PAG1: variants seen among roughly 807,000 people sequenced by gnomAD.
The protein encoded by PAG1 is phosphoprotein membrane anchor with glycosphingolipid microdomains 1.
Under a neutral mutation model 31.7 loss-of-function variants are expected in PAG1, and 23 were observed. That is an observed-to-expected ratio of 0.73 (90% CI 0.52 to 1.03). PAG1 has a LOEUF of 1.03. PAG1 is among the 50% of genes least tolerant of loss of function. The pLI, the probability that PAG1 is intolerant of heterozygous loss-of-function variation, is 0.00. For missense variants in PAG1, 473 were observed against 540.7 expected, an observed-to-expected ratio of 0.87 and a Z score of 1.24; for synonymous variants, 214 against 210.3, an observed-to-expected ratio of 1.02 and a Z score of -0.15.
intron 3 of PAG1, among the ~76,000 whole-genome samples, chr8:81,020,496 T>C (rs1394913623): frequency 6.6e-6 from 1 of 152,172 alleles, no homozygotes; most frequent in East Asian, 1.9e-4. Context: ...CTGATGGTTT[T>C]ATAAATGGGA....
intron 1 of PAG1, among the ~76,000 whole-genome samples, chr8:81,104,287 G>A (rs894259373): frequency 1.3e-5 from 2 of 151,934 alleles, no homozygotes; most frequent in Admixed American, 6.6e-5. Context: ...TTTGCCTCTG[G>A]CTTCTGCCAC....
intron 1 of PAG1, among the ~76,000 whole-genome samples, chr8:81,082,951 T>C (rs1586209169): frequency 1.3e-5 from 2 of 151,380 alleles, no homozygotes; most frequent in Admixed American, 6.5e-5. Context: ...TTCCTGGTTT[T>C]TGGTATCACA....
At position 80,984,921 on chromosome 8, in the gene PAG1, C is replaced by T. The variant is rs1433940091; in HGVS notation, c.731G>A (p.Ser244Asn). 2 of 1,614,076 alleles carry T rather than the reference C, an allele frequency of 1.2e-6. No homozygotes were observed. Among genetic ancestry groups the T allele is most frequent in the African/African-American group, 1.3e-5 (1 of 74,918 alleles). ...TGGATCACATGAATTTCCAAGGATA[C>T]TCTCTACATTAACACTTTGACGACA... is the stretch of plus-strand genomic sequence containing the variant. ...KKCRQSVNVE[S>N]ILGNSCDPEE... is the part of the protein sequence containing the mutation. Residue 244 changes from serine (S) to asparagine (N), a missense_variant, in exon 7 of 9, where the codon AGT becomes AAT. By Grantham distance (46) the Ser-to-Asn change is conservative. Transcript: ENST00000220597.
intron 3 of PAG1, among the ~76,000 whole-genome samples, chr8:81,000,016 G>T (rs1028214264): frequency 1.8e-4 from 28 of 152,070 alleles, no homozygotes; most frequent in African/African-American, 6.3e-4. Context: ...GGGCTAATGC[G>T]GTACGTTCTA....
intron 2 of PAG1, among the ~76,000 whole-genome samples, chr8:81,050,237 C>T (rs1808705932): frequency 6.6e-6 from 1 of 152,106 alleles, no homozygotes; most frequent in South Asian, 2.1e-4. Flanking sequence ...TTAAAAATAT[C>T]CTTCAGCATT....
At position 80,984,895 on chromosome 8, in the gene PAG1, C is replaced by T; in HGVS notation, c.757G>A (p.Glu253Lys). 1 of 1,614,188 alleles carries T rather than the reference C, an allele frequency of 6.2e-7. No homozygotes were observed. Among genetic ancestry groups the T allele is most frequent in the African/African-American group, 1.3e-5 (1 of 75,040 alleles). ...ESILGNSCDP[E>K]EEAPPPVPVK... The stretch of plus-strand genomic sequence containing the variant: ...GGGACAGGTGGTGGGGCCTCCTCTT[C>T]TGGATCACATGAATTTCCAAGGATA... The change falls in exon 7 of 9, where the codon GAA becomes AAA. Residue 253 changes from glutamate to lysine, a missense_variant. Physicochemically the swap from Glu to Lys is moderately conservative, Grantham distance 56. Transcript: ENST00000220597.
At position 81,107,908 on chromosome 8, in the gene PAG1, C is replaced by A. The variant is rs539530746; in HGVS notation, c.-234+3683G>T. 7.2e-5 allele frequency among the ~76,000 whole-genome samples: 11 copies of A among 152,322 alleles called. No homozygotes were observed. The South Asian group carries it at 2.3e-3, about 32-fold the overall frequency. On this transcript the variant is annotated intron_variant, in intron 1 of 8. Transcript: ENST00000220597. ...CAGGAGCTCTGGAACTATCAGCTCCCAACTCCTCAAGCCCAAAGTGAAGAA... is the reference window on the plus strand; with the variant it reads ...CAGGAGCTCTGGAACTATCAGCTCCAAACTCCTCAAGCCCAAAGTGAAGAA...
In PAG1 at chr8:80,976,656, T is replaced by C. The variant is rs1807187837; in HGVS notation, c.1187A>G (p.Glu396Gly). The C allele has an allele frequency of 2.5e-6, 4 of 1,614,176 alleles. No individual in the cohort carries two copies. Among genetic ancestry groups the C allele is most frequent in the Non-Finnish European group, 2.5e-6 (3 of 1,180,020 alleles). ...GGTCCCCAGGGTGGCCTTTTCTTCC[T>C]CTCTGTTGAGAGTCTGTATCGCTTC... ...DYEAIQTLNR[E>G]EEKATLGTNG... Residue 396 changes from glutamate to glycine, a missense_variant, in exon 9 of 9, where the codon GAG (glutamate) becomes GGG (glycine). By Grantham distance (98) the Glu-to-Gly change is moderately conservative (BLOSUM62 -2). Coordinates refer to ENST00000220597, the MANE Select transcript of PAG1 (RefSeq NM_018440.4).
rs78580088 is a variant in PAG1, at chr8:80,987,634, C to A, written c.178-168G>T. The A allele has an allele frequency of 4.2e-3, 2,348 of 561,948 alleles. 44 individuals are homozygous for A. The highest frequency in any genetic ancestry group is 0.04 in the African/African-American group (2,139 of 53,016). 34.8% of individuals were successfully genotyped at this position (561,948 alleles called of 1,614,324 possible). ...TATCTACAGAGGGTACATTTCAAGA[C>A]CCCCAGTGGATGCCTAAAACCATGA... is the stretch of plus-strand genomic sequence containing the variant. On this transcript the variant is annotated intron_variant, in intron 5 of 8. Transcript: ENST00000220597.
chr8:81,056,479 C>T (rs1258547440), intron 2 of PAG1, among the ~76,000 whole-genome samples: 1 of 152,074 alleles, frequency 6.6e-6, no homozygotes, highest in East Asian at 1.9e-4. Context: ...AAAGGATTCC[C>T]TATTTAATAA....
intron 2 of PAG1, among the ~76,000 whole-genome samples, chr8:81,056,623 G>A (rs1808826929): frequency 6.6e-6 from 1 of 152,188 alleles, no homozygotes; most frequent in Non-Finnish European, 1.5e-5. Context: ...AACCCTGGAA[G>A]AAAACCTAGG....
chr8:81,070,823 T>C (rs1809081547), intron 1 of PAG1, among the ~76,000 whole-genome samples: 2 of 152,344 alleles, frequency 1.3e-5, no homozygotes, highest in Non-Finnish European at 2.9e-5. Context: ...CAAGAATAAG[T>C]GTGATTTGAG....
chr8:81,056,008 G>GT (rs1808816539), intron 2 of PAG1, among the ~76,000 whole-genome samples: 1 of 152,130 alleles, frequency 6.6e-6, no homozygotes, highest in Non-Finnish European at 1.5e-5. Flanking sequence ...AATAGGAGTG[G>GT]TGAGAGAGGG....
intron 6 of PAG1, among the ~76,000 whole-genome samples, chr8:80,986,070 G>A (rs1217022878): frequency 6.6e-6 from 1 of 152,216 alleles, no homozygotes; most frequent in Non-Finnish European, 1.5e-5. Context: ...ACCAGGGATG[G>A]TGCAGGGTGC....
At chr8:81,076,863 A>G (rs1809187002) in intron 1 of PAG1, among the ~76,000 whole-genome samples, 1 of 152,236 alleles carries the variant, frequency 6.6e-6, no homozygotes, top group African/African-American at 2.4e-5. Flanking sequence ...GTCAAGTCTG[A>G]TAAGGCAAAG....
intron 1 of PAG1, among the ~76,000 whole-genome samples, chr8:81,099,827 C>T (rs1295867772): frequency 6.6e-6 from 1 of 152,164 alleles, no homozygotes; most frequent in East Asian, 1.9e-4. Flanking sequence ...TACTAAAAAT[C>T]AGTGAATTGT....
At chr8:81,075,637 A>G (rs543798129) in intron 1 of PAG1, among the ~76,000 whole-genome samples, 1 of 152,336 alleles carries the variant, frequency 6.6e-6, no homozygotes, top group East Asian at 1.9e-4. Flanking sequence ...CTGATCCTAC[A>G]GATGGGGAAA....
At chr8:81,046,569 C>T (rs1453655606) in intron 2 of PAG1, among the ~76,000 whole-genome samples, 1 of 152,168 alleles carries the variant, frequency 6.6e-6, no homozygotes, top group East Asian at 1.9e-4. Flanking sequence ...TTTTTAGTAA[C>T]ATTGTTTTTG....
chr8:80,992,739 C>T (rs542207063), intron 4 of PAG1, among the ~76,000 whole-genome samples: 5 of 152,186 alleles, frequency 3.3e-5, no homozygotes, highest in African/African-American at 1.2e-4. Flanking sequence ...CTGTGACTTC[C>T]GCAGGGTGGT....
Sources: gnomAD v4.1 joint callset for allele counts (sites outside exome capture counted in the v4.1 genomes callset) on GRCh38, gnomAD v4.1.1 for gene constraint, MANE v1.5 for transcripts, NCBI Gene and HGNC (gene_info 2026-07-23, HGNC 2026-07-21) for gene names.